ALS2: variants seen among roughly 807,000 people sequenced by gnomAD.
ALS2 encodes the protein alsin Rho guanine nucleotide exchange factor ALS2.
A neutral mutation model predicts 203.4 loss-of-function variants in ALS2; 117 were observed. The observed-to-expected ratio is 0.58, with a 90% CI of 0.50 to 0.67. ALS2 has a LOEUF of 0.67. Ranked by LOEUF, ALS2 falls within the 30% of genes least tolerant of loss-of-function variation. The pLI is 0.00. For synonymous variants in ALS2, 718 were observed against 725.9 expected (o/e 0.99, Z 0.17); for missense variants, 1,715 against 1,989.4 (o/e 0.86, Z 2.62).
Position 201,706,994 on chromosome 2 carries a change from G to C in ALS2, c.4432C>G (p.Leu1478Val). ...TAGAGCCGAGGTAGCAGCACAGGAA[G>C]CAATAATCCAGAACTCGTTACTACA... ...GYVVTSSGLL[L>V]PVLLPRLYPP... Residue 1478 changes from leucine to valine, a missense_variant, in exon 29 of 34, where the codon CTT (leucine) becomes GTT (valine). Leu to Val is a conservative substitution (Grantham distance 32, BLOSUM62 1). This residue lies in a region of ALS2 where 1,227 missense variants were observed against 1,413.5 expected (regional missense o/e 0.87). Coordinates refer to ENST00000264276, the MANE Select transcript of ALS2 (RefSeq NM_020919.4). 1 of 1,613,844 alleles carries C rather than the reference G, an allele frequency of 6.2e-7. No individual in the cohort carries two copies.
At chr2:201,718,659 T>G (rs1363902541) in intron 23 of ALS2, among the ~76,000 whole-genome samples, 1 of 151,944 alleles carries the variant, frequency 6.6e-6, no homozygotes, top group Admixed American at 6.5e-5. Flanking sequence ...TCAAACAAAA[T>G]ATGGGCACAT....
chr2:201,740,024 C>T (rs1316546439), intron 11 of ALS2, among the ~76,000 whole-genome samples: 3 of 152,074 alleles, frequency 2.0e-5, no homozygotes, highest in African/African-American at 7.2e-5. Context: ...TGTATTTTAT[C>T]ACAATTAAAA....
rs757241682 is a variant in ALS2 at position 201,723,439 on chromosome 2, C to A, written c.3515G>T (p.Gly1172Val). Residue 1172 changes from glycine (G) to valine (V), a missense_variant and splice_region_variant, in exon 22 of 34, where the codon GGG becomes GTG. Physicochemically the swap from Gly to Val is moderately radical, Grantham distance 109. This residue lies in a region of ALS2 where 1,227 missense variants were observed against 1,413.5 expected (regional missense o/e 0.87). Coordinates refer to ENST00000264276, the MANE Select transcript of ALS2 (RefSeq NM_020919.4). The stretch of plus-strand genomic sequence containing the variant: ...TTGCCACATTCCCATATACTTTTCC[C>A]CCCTGCACAGAAATAAAAAGAAAAG... ...GYGVFDDITR[G>V]EKYMGMWQDD... The A allele has an allele frequency of 6.2e-7, 1 of 1,610,868 alleles. No homozygotes were observed. Among genetic ancestry groups the A allele is most frequent in the Non-Finnish European group, 8.5e-7 (1 of 1,177,084 alleles).
chr2:201,742,432 T>C (rs1692340528), intron 10 of ALS2, among the ~76,000 whole-genome samples: 1 of 152,246 alleles, frequency 6.6e-6, no homozygotes, highest in Admixed American at 6.5e-5. Context: ...GCTTTTTGCC[T>C]GTCTAAAGTT....
intron 29 of ALS2, among the ~76,000 whole-genome samples, chr2:201,706,639 T>A (rs1689737306): frequency 2.0e-5 from 3 of 149,498 alleles, no homozygotes; most frequent in South Asian, 2.1e-4. Context: ...AAAAACACAT[T>A]CCAAAGAATC....
chr2:201,715,531 AGTGT>A (rs1690318994), intron 25 of ALS2, 137 bp downstream of exon 25: 2 of 929,878 alleles, frequency 2.2e-6, no homozygotes, highest in Non-Finnish European at 3.3e-6. Flanking sequence ...AGATAAAGAA[AGTGT>A]GTTTTAATCT....
At chr2:201,715,494 T>C (rs540124704) in intron 25 of ALS2, among the ~76,000 whole-genome samples, 178 bp downstream of exon 25, 1 of 152,360 alleles carries the variant, frequency 6.6e-6, no homozygotes, top group South Asian at 2.1e-4. Context: ...TGTATTCTGT[T>C]CAGGTTTAAC....
intron 33 of ALS2, among the ~76,000 whole-genome samples, chr2:201,702,339 T>C (rs1353990745): frequency 6.6e-6 from 1 of 152,070 alleles, no homozygotes; most frequent in Non-Finnish European, 1.5e-5. Context: ...GCACCCTGAA[T>C]TATGAGTTTC....
intron 23 of ALS2, chr2:201,720,113 TGAGGC>T (rs1301700828): frequency 1.6e-5 from 7 of 429,620 alleles, no homozygotes; most frequent in Non-Finnish European, 3.2e-5. Context: ...ACTTGTTCTA[TGAGGC>T]CAGAATTATC....
chr2:201,705,948 C>CA (rs36043130), intron 29 of ALS2, among the ~76,000 whole-genome samples: 114,390 of 143,782 alleles, frequency 0.8, 45,368 homozygotes, highest in South Asian at 0.83. Context: ...GACTCCGTCT[C>CA]AAAAAAAAAA....
At chr2:201,745,443 T>A (rs985325246) in intron 9 of ALS2, among the ~76,000 whole-genome samples, 1 of 152,134 alleles carries the variant, frequency 6.6e-6, no homozygotes, top group African/African-American at 2.4e-5. Flanking sequence ...AAAGCCCATA[T>A]GCTATTTTAC....
At chr2:201,729,879 C>CAAAAA (rs35065446) in intron 13 of ALS2, among the ~76,000 whole-genome samples, 8 of 75,222 alleles carry the variant, frequency 1.1e-4, no homozygotes, top group East Asian at 4.6e-4. Flanking sequence ...GACTCCGTCT[C>CAAAAA]AAAAAAAAAA....
rs549535346 is a variant in ALS2, at chr2:201,702,039, C to A, written c.4936-150G>T. ...TTAATTGATTTCACTTTTCCCTGTT[C>A]CCTTCTAGTTCCCCTATCTAGTGGC... On this transcript the variant is annotated intron_variant, in intron 33 of 33. Transcript: ENST00000264276. The A allele has an allele frequency of 6.7e-6, 5 of 745,518 alleles. No individual in the cohort carries two copies. The East Asian group carries it at 1.4e-4, about 20-fold the overall frequency. 46.2% of individuals were successfully genotyped at this position (745,518 alleles called of 1,614,324 possible).
intron 7 of ALS2, among the ~76,000 whole-genome samples, chr2:201,750,074 G>C (rs932021346): frequency 1.3e-5 from 2 of 151,714 alleles, no homozygotes; most frequent in African/African-American, 4.8e-5. Flanking sequence ...GCTGAGGCAG[G>C]AGAATGGCTT....
At position 201,761,541 on chromosome 2, in the gene ALS2, C is replaced by G. The variant is rs750958449; in HGVS notation, c.453G>C (p.Arg151Ser). ...DSEASPLLAV[R>S]ILQLACGEEH... is the part of the protein sequence containing the mutation. ...CCTCGCCACACGCCAACTGTAAAAT[C>G]CTGACTGCTAACAAAGGGCTGGCCT... Residue 151 changes from arginine (R) to serine (S), a missense_variant, in exon 4 of 34, where the codon AGG becomes AGC. Physicochemically the swap from Arg to Ser is moderately radical, Grantham distance 110. This residue lies in a region of ALS2 where 476 missense variants were observed against 539.3 expected (regional missense o/e 0.88). Coordinates refer to ENST00000264276, the MANE Select transcript of ALS2 (RefSeq NM_020919.4). The G allele has an allele frequency of 1.2e-6, 2 of 1,614,208 alleles. No individual in the cohort carries two copies. The highest frequency in any genetic ancestry group is 3.3e-5 in the Admixed American group (2 of 60,018).
intron 23 of ALS2, among the ~76,000 whole-genome samples, chr2:201,721,696 C>G (rs1265926646): frequency 6.6e-6 from 1 of 152,106 alleles, no homozygotes; most frequent in African/African-American, 2.4e-5. Context: ...CGGAGTCTCG[C>G]TCTGTCACCC....
intron 23 of ALS2, among the ~76,000 whole-genome samples, chr2:201,719,630 A>G (rs1452196990): frequency 6.6e-6 from 1 of 152,110 alleles, no homozygotes; most frequent in Non-Finnish European, 1.5e-5. Flanking sequence ...TAAAAGTGCC[A>G]GAGGGAACTA....
At chr2:201,729,803 C>G (rs1475117557) in intron 13 of ALS2, among the ~76,000 whole-genome samples, 1 of 145,640 alleles carries the variant, frequency 6.9e-6, no homozygotes, top group East Asian at 2.1e-4. Flanking sequence ...ATGGCGTGAA[C>G]CCGGGAGGCG....
chr2:201,724,104 C>A (rs1423095013), intron 21 of ALS2, among the ~76,000 whole-genome samples, 191 bp downstream of exon 21: 1 of 152,012 alleles, frequency 6.6e-6, no homozygotes, highest in Non-Finnish European at 1.5e-5. Flanking sequence ...CAGAGTGAAA[C>A]CCTGTCTCAA....
Sources: allele counts gnomAD v4.1 joint callset (sites outside exome capture counted in the v4.1 genomes callset), GRCh38; gene constraint gnomAD v4.1.1; regional missense constraint gnomAD v4.1.1; transcripts MANE v1.5; gene names NCBI Gene and HGNC (gene_info 2026-07-23, HGNC 2026-07-21).